The following TEKT5 variants were observed in gnomAD, a reference collection of about 807,000 sequenced individuals.
The protein encoded by TEKT5 is tektin-5.
A neutral mutation model predicts 48.7 loss-of-function variants in TEKT5; 52 were observed. The ratio of observed to expected loss-of-function variants is 1.07; its 90% confidence interval spans 0.86 to 1.35. The LOEUF (loss-of-function observed/expected upper bound fraction) is 1.35. Ranked by LOEUF, TEKT5 falls within the 40% of genes most tolerant of loss-of-function variation. TEKT5 has a pLI of 0.00. For synonymous variants in TEKT5, 318 were observed against 267.6 expected (o/e 1.19, Z -1.84); for missense variants, 831 against 641.6 (o/e 1.30, Z -3.19).
In TEKT5 at chr16:10,675,933, C is replaced by T. The variant is rs745635819; in HGVS notation, c.1086+26G>A. The T allele has an allele frequency of 8.7e-6, 14 of 1,609,510 alleles. No homozygotes were observed. In the East Asian group the frequency reaches 2.9e-4, roughly 33 times the overall value. Reference sequence around the variant, plus strand: ...AAGGGTGAGGGCTTGGCAGAGAAGGCAGGGGTCCTGGGAGGATCTGCTCAC... The same window carrying T: ...AAGGGTGAGGGCTTGGCAGAGAAGGTAGGGGTCCTGGGAGGATCTGCTCAC... On this transcript the variant is annotated intron_variant, in intron 5 of 6. Coordinates refer to ENST00000283025, the MANE Select transcript of TEKT5 (RefSeq NM_144674.2).
intron 5 of TEKT5, among the ~76,000 whole-genome samples, chr16:10,656,553 A>G (rs1465346574): frequency 6.6e-6 from 1 of 151,878 alleles, no homozygotes; most frequent in African/African-American, 2.4e-5. Context: ...ACACCCAGCC[A>G]TCTTGATTTA....
chr16:10,633,088 C>T (rs1897862835), intron 6 of TEKT5, among the ~76,000 whole-genome samples: 1 of 152,238 alleles, frequency 6.6e-6, no homozygotes, highest in Non-Finnish European at 1.5e-5. Flanking sequence ...GGGGCCGCCA[C>T]TGTGGCTCAT....
intron 5 of TEKT5, among the ~76,000 whole-genome samples, chr16:10,660,538 C>T (rs974488675): frequency 3.9e-5 from 6 of 152,114 alleles, no homozygotes; most frequent in East Asian, 1.9e-4. Context: ...TCTCCTCATC[C>T]GGGAGACAGA....
At chr16:10,643,811 G>C (rs1431397328) in intron 5 of TEKT5, among the ~76,000 whole-genome samples, 4 of 152,142 alleles carry the variant, frequency 2.6e-5, no homozygotes, top group Non-Finnish European at 2.9e-5. Context: ...GCCAAGACAG[G>C]TGGATCACCT....
intron 5 of TEKT5, among the ~76,000 whole-genome samples, chr16:10,668,249 C>A (rs556397868): frequency 1.3e-5 from 2 of 152,206 alleles, no homozygotes; most frequent in South Asian, 4.1e-4. Context: ...AGGCCTGATG[C>A]CTTTGTTAGA....
intron 1 of TEKT5, 54 bp from the exon 2 acceptor site, chr16:10,690,079 G>T: frequency 6.4e-7 from 1 of 1,572,222 alleles, no homozygotes; most frequent in South Asian, 1.1e-5. Flanking sequence ...TGTAGACCCT[G>T]AGCAGAAGGG....
chr16:10,660,221 G>A lies in TEKT5; in HGVS notation c.1086+15738C>T, dbSNP rs550903652. Among the ~76,000 whole-genome samples, 8 of 152,248 alleles carry A rather than the reference G, an allele frequency of 5.3e-5. No homozygotes were observed. In the South Asian group the frequency reaches 1.2e-3, roughly 24 times the overall value. ...CACTTATTCCAGTGTAAGGGGTCAAGACGGGGGTTGCCTGTGTAATAGAAA... is the reference window on the plus strand; with the variant it reads ...CACTTATTCCAGTGTAAGGGGTCAAAACGGGGGTTGCCTGTGTAATAGAAA... On this transcript the variant is annotated intron_variant, in intron 5 of 6. Transcript: ENST00000283025.
At position 10,694,860 on chromosome 16, in the gene TEKT5, C is replaced by G; in HGVS notation, c.14G>C (p.Gly5Ala). The change falls in exon 1 of 7, where the codon GGG (glycine) becomes GCG (alanine). Residue 5 changes from glycine to alanine, a missense_variant. Physicochemically the swap from Gly to Ala is moderately conservative, Grantham distance 60. Coordinates refer to ENST00000283025, the MANE Select transcript of TEKT5 (RefSeq NM_144674.2). Reference sequence around the variant, plus strand: ...ACAGTAACTGGCGGTCTGAGTAGTCCCAAGAAACTCCATCCTCCCTCATGA... The same window carrying G: ...ACAGTAACTGGCGGTCTGAGTAGTCGCAAGAAACTCCATCCTCCCTCATGA... MEFL[G>A]TTQTASYCGP... 1 of 1,556,188 alleles carries G rather than the reference C, an allele frequency of 6.4e-7. No individual in the cohort carries two copies. Among genetic ancestry groups the G allele is most frequent in the Non-Finnish European group, 8.7e-7 (1 of 1,155,004 alleles).
intron 3 of TEKT5, among the ~76,000 whole-genome samples, chr16:10,686,844 T>A (rs1422738622): frequency 6.6e-6 from 1 of 152,126 alleles, no homozygotes; most frequent in African/African-American, 2.4e-5. Flanking sequence ...AAGTATCTCA[T>A]AACAGATGAA....
intron 4 of TEKT5, 101 bp from the exon 5 acceptor site, chr16:10,676,282 T>C (rs1898645953): frequency 3.5e-6 from 4 of 1,137,124 alleles, no homozygotes; most frequent in Non-Finnish European, 2.6e-6. Flanking sequence ...GATTATTCTC[T>C]GTCCTGTGCA....
chr16:10,658,433 T>C (rs2111220), intron 5 of TEKT5, among the ~76,000 whole-genome samples: 56,871 of 152,046 alleles, frequency 0.37, 11,876 homozygotes, highest in African/African-American at 0.57. Context: ...AACACACACA[T>C]ACCAATACAA....
At chr16:10,645,403 T>C (rs1898054926) in intron 5 of TEKT5, among the ~76,000 whole-genome samples, 1 of 152,040 alleles carries the variant, frequency 6.6e-6, no homozygotes, top group Non-Finnish European at 1.5e-5. Context: ...TCCCAGCTAC[T>C]CAGGAGGCTG....
intron 5 of TEKT5, chr16:10,671,742 T>C (rs1409108506): frequency 6.6e-6 from 1 of 152,240 alleles, no homozygotes; most frequent in Non-Finnish European, 1.5e-5. Context: ...CTTACAATCA[T>C]GGTGGAAGGC....
At position 10,694,431 on chromosome 16, in the gene TEKT5, A is replaced by C. The variant is rs781092838; in HGVS notation, c.443T>G (p.Ile148Ser). ...CRNLGQRLSD[I>S]GFWKSELSYE... is the part of the protein sequence containing the mutation. ...GCTCAGCTCTGACTTCCAGAAGCCAATGTCCGACAGCCTCTGGCCCAGGTT... is the reference window on the plus strand; with the variant it reads ...GCTCAGCTCTGACTTCCAGAAGCCACTGTCCGACAGCCTCTGGCCCAGGTT... The change falls in exon 1 of 7, where the codon ATT becomes AGT. Residue 148 changes from isoleucine to serine, a missense_variant. By Grantham distance (142) the Ile-to-Ser change is moderately radical (BLOSUM62 -2). Transcript: ENST00000283025. The C allele has an allele frequency of 6.2e-7, 1 of 1,614,032 alleles. No homozygotes were observed. Among genetic ancestry groups the C allele is most frequent in the African/African-American group, 1.3e-5 (1 of 74,928 alleles).
chr16:10,640,666 A>G lies in TEKT5; in HGVS notation c.1087-4748T>C, dbSNP rs142426011. On this transcript the variant is annotated intron_variant, in intron 5 of 6. Coordinates refer to ENST00000283025, the MANE Select transcript of TEKT5 (RefSeq NM_144674.2). ...AGGCAACCACTGATCATAGATAAAC[A>G]CTTCTGTCACGGTGCATTAGTTTGC... is the stretch of plus-strand genomic sequence containing the variant. Among the ~76,000 whole-genome samples the G allele has an allele frequency of 2.0e-4, 30 of 152,120 alleles. No individual in the cohort carries two copies. The East Asian group carries it at 5.2e-3, about 26-fold the overall frequency.
intron 5 of TEKT5, among the ~76,000 whole-genome samples, chr16:10,642,391 T>G (rs1157033747): frequency 1.3e-5 from 2 of 152,014 alleles, no homozygotes; most frequent in African/African-American, 4.8e-5. Context: ...GGACAGTCCC[T>G]CTCCCCCAGA....
chr16:10,652,619 C>T, intron 5 of TEKT5, among the ~76,000 whole-genome samples: 1 of 105,220 alleles, frequency 9.5e-6, no homozygotes, highest in African/African-American at 4.5e-5. Context: ...CACACACACA[C>T]ACACACACAC....
chr16:10,688,274 G>T (rs910139656), intron 3 of TEKT5, among the ~76,000 whole-genome samples: 18 of 152,184 alleles, frequency 1.2e-4, no homozygotes, highest in African/African-American at 4.3e-4. Context: ...GTCTGTCCGT[G>T]ACCAAGCTCT....
At chr16:10,662,042 A>C (rs1171351578) in intron 5 of TEKT5, among the ~76,000 whole-genome samples, 2 of 152,070 alleles carry the variant, frequency 1.3e-5, no homozygotes, top group Non-Finnish European at 2.9e-5. Context: ...CTCTTCTTAA[A>C]TTAAACCTTA....
Sources: allele counts gnomAD v4.1 joint callset (sites outside exome capture counted in the v4.1 genomes callset), GRCh38; gene constraint gnomAD v4.1.1; transcripts MANE v1.5; gene names NCBI Gene and HGNC (gene_info 2026-07-23, HGNC 2026-07-21).